PIP4K2A: variants seen among roughly 807,000 people sequenced by gnomAD.
PIP4K2A encodes phosphatidylinositol-5-phosphate 4-kinase type 2 alpha.
In PIP4K2A, 14 loss-of-function variants were observed where a neutral mutation model predicts 42.9. The ratio of observed to expected loss-of-function variants is 0.33; its 90% CI spans 0.22 to 0.51. The LOEUF (loss-of-function observed/expected upper bound fraction) is 0.51, where lower values mean the gene tolerates loss of function less well. PIP4K2A is among the 20% of genes least tolerant of loss of function. PIP4K2A has a pLI of 0.97. For synonymous variants in PIP4K2A, 192 were observed against 192.2 expected (o/e 1.00, Z 0.01); for missense variants, 434 against 519.8 (o/e 0.83, Z 1.61).
chr10:22,709,258 C>T (rs1833874284), intron 1 of PIP4K2A, among the ~76,000 whole-genome samples: 1 of 152,162 alleles, frequency 6.6e-6, no homozygotes, highest in African/African-American at 2.4e-5. Context: ...GTGCTAATTA[C>T]AGTGCTAGGC....
chr10:22,575,292 T>A (rs1455186346), intron 4 of PIP4K2A, among the ~76,000 whole-genome samples: 2 of 152,174 alleles, frequency 1.3e-5, no homozygotes, highest in Non-Finnish European at 2.9e-5. Flanking sequence ...TGGGGTCTGC[T>A]CCGAGGCAGT....
Position 22,627,588 on chromosome 10 carries a change from T to TAAAAAAAA in PIP4K2A, c.145-17872_145-17871insTTTTTTTT, listed in dbSNP as rs1564448260. Reference sequence around the variant, plus strand: ...ATTTGTTTAACCAAAAGCTAATATGTAATAAAAAAAAAAAAAAAAAAAAAA... The same window carrying TAAAAAAAA: ...ATTTGTTTAACCAAAAGCTAATATGTAAAAAAAAAATAAAAAAAAAAAAAAAAAAAAAA... On this transcript the variant is annotated intron_variant, in intron 1 of 9. Transcript: ENST00000376573. Among the ~76,000 whole-genome samples the TAAAAAAAA allele has an allele frequency of 6.7e-4, 26 of 38,922 alleles. 4 individuals are homozygous for TAAAAAAAA. The highest frequency in any genetic ancestry group is 2.1e-3 in the Admixed American group (5 of 2,334). 25.5% of individuals were successfully genotyped at this position (38,922 alleles called of 152,430 possible). A position where few individuals can be genotyped will look rare whatever the true frequency, so the allele number is the denominator to read the frequency against.
At chr10:22,556,050 G>A (rs1588623048) in intron 6 of PIP4K2A, among the ~76,000 whole-genome samples, 1 of 152,130 alleles carries the variant, frequency 6.6e-6, no homozygotes, top group Admixed American at 6.5e-5. Context: ...TTTGTTTTTA[G>A]GTTTTATCTG....
intron 3 of PIP4K2A, among the ~76,000 whole-genome samples, chr10:22,603,650 T>C: frequency 6.6e-6 from 1 of 152,188 alleles, no homozygotes; most frequent in South Asian, 2.1e-4. Context: ...CTAAAACGGC[T>C]AGCACAGAGC....
intron 1 of PIP4K2A, among the ~76,000 whole-genome samples, chr10:22,637,984 A>G (rs2130784978): frequency 6.6e-6 from 1 of 152,330 alleles, no homozygotes; most frequent in East Asian, 1.9e-4. Context: ...CTATCTCTGG[A>G]AAATCTGCTC....
intron 1 of PIP4K2A, among the ~76,000 whole-genome samples, chr10:22,699,814 C>T (rs1225502080): frequency 6.6e-6 from 1 of 152,128 alleles, no homozygotes; most frequent in Non-Finnish European, 1.5e-5. Context: ...TCTACATAGA[C>T]ACTAAAATCC....
intron 1 of PIP4K2A, 115 bp downstream of exon 1, chr10:22,714,068 G>T: frequency 9.1e-7 from 1 of 1,103,040 alleles, no homozygotes; most frequent in Non-Finnish European, 1.3e-6. Flanking sequence ...AGCAGCCGGA[G>T]GTCCAGGGCT....
chr10:22,654,275 T>C (rs1839050565), intron 1 of PIP4K2A, among the ~76,000 whole-genome samples: 1 of 152,228 alleles, frequency 6.6e-6, no homozygotes. Flanking sequence ...CAAGGTGAGC[T>C]GGACACTCAC....
intron 5 of PIP4K2A, among the ~76,000 whole-genome samples, chr10:22,572,711 T>C (rs1488041584): frequency 1.3e-5 from 2 of 152,184 alleles, no homozygotes; most frequent in African/African-American, 2.4e-5. Context: ...CCTGAATTGG[T>C]GATACCAGAA....
At position 22,535,688 on chromosome 10, in the gene PIP4K2A, A is replaced by C. The variant is rs542491719; in HGVS notation, c.*1513T>G. Reference sequence around the variant, plus strand: ...AGCGCAGCATGTAAGTGGATAACCTACTCTAAGCAAGACTAATATTTAAGC... The same window carrying C: ...AGCGCAGCATGTAAGTGGATAACCTCCTCTAAGCAAGACTAATATTTAAGC... On this transcript the variant is annotated 3_prime_UTR_variant, in exon 10 of 10. Coordinates refer to ENST00000376573, the MANE Select transcript of PIP4K2A (RefSeq NM_005028.5). 1.9e-5 allele frequency: 3 copies of C among 160,882 alleles called. No homozygotes were observed. In the East Asian group the frequency reaches 5.3e-4, roughly 29 times the overall value. The allele number at this position is 160,882 out of a possible 1,614,324, so 10.0% of individuals were successfully genotyped here.
At chr10:22,600,077 T>C (rs547141689) in intron 3 of PIP4K2A, among the ~76,000 whole-genome samples, 33 of 151,886 alleles carry the variant, frequency 2.2e-4, no homozygotes, top group African/African-American at 7.9e-4. Context: ...CGCCAATCTT[T>C]TCTCTCTCTC....
intron 7 of PIP4K2A, among the ~76,000 whole-genome samples, chr10:22,542,841 A>G (rs1401206456): frequency 6.6e-6 from 1 of 152,204 alleles, no homozygotes; most frequent in Non-Finnish European, 1.5e-5. Flanking sequence ...GAGTGCAAAC[A>G]GTGGCAGCCC....
intron 3 of PIP4K2A, among the ~76,000 whole-genome samples, chr10:22,605,601 T>C (rs1004927410): frequency 6.6e-6 from 1 of 152,214 alleles, no homozygotes; most frequent in African/African-American, 2.4e-5. Context: ...CAGAATTGAT[T>C]ATGACAAGAA....
chr10:22,689,711 G>A (rs1839824709), intron 1 of PIP4K2A, among the ~76,000 whole-genome samples: 2 of 152,172 alleles, frequency 1.3e-5, no homozygotes, highest in South Asian at 2.1e-4. Context: ...GACAGTAAAG[G>A]AATGGATGGC....
intron 1 of PIP4K2A, among the ~76,000 whole-genome samples, chr10:22,630,059 A>C (rs183407092): frequency 6.6e-6 from 1 of 152,244 alleles, no homozygotes; most frequent in Admixed American, 6.5e-5. Context: ...ACCCAAGGCC[A>C]GGCGCAGTAG....
At chr10:22,705,000 C>A (rs1004797472) in intron 1 of PIP4K2A, among the ~76,000 whole-genome samples, 2 of 152,040 alleles carry the variant, frequency 1.3e-5, no homozygotes, top group Non-Finnish European at 2.9e-5. Context: ...ACCCAGCTGT[C>A]CAAAATTTAG....
At chr10:22,540,487 A>G (rs1008010038) in intron 8 of PIP4K2A, among the ~76,000 whole-genome samples, 5 of 152,174 alleles carry the variant, frequency 3.3e-5, no homozygotes, top group African/African-American at 4.8e-5. Context: ...TTTACATCAA[A>G]TGGTAGAACT....
In PIP4K2A at chr10:22,591,754, G is replaced by A. The variant is rs372194086; in HGVS notation, c.367C>T (p.Pro123Ser). ...QNSLTRSAPL[P>S]NDSQARSGAR... Reference sequence around the variant, plus strand: ...CCACTGCGGGCCTGGGAGTCGTTGGGGAGGGGTGCGCTCCTGGTCAGGGAA... The same window carrying A: ...CCACTGCGGGCCTGGGAGTCGTTGGAGAGGGGTGCGCTCCTGGTCAGGGAA... Residue 123 changes from proline to serine, a missense_variant, in exon 4 of 10, where the codon CCC becomes TCC. Around this residue, in one of 2 missense-constraint regions of PIP4K2A, gnomAD observed 395 missense variants for 444.5 expected, o/e 0.89. Coordinates refer to ENST00000376573, the MANE Select transcript of PIP4K2A (RefSeq NM_005028.5). The A allele has an allele frequency of 3.7e-6, 6 of 1,612,854 alleles. No homozygotes were observed. Among genetic ancestry groups the A allele is most frequent in the African/African-American group, 1.3e-5 (1 of 74,896 alleles).
Position 22,558,101 on chromosome 10 carries a change from GC to G in PIP4K2A, c.679-7330del, listed in dbSNP as rs1836597224. ...ATTGTAAGCCTCAATGTCAAAGACT[GC>G]TGCCGGGTGTCCTTTTGATACGCTG... On this transcript the variant is annotated intron_variant, in intron 6 of 9. Coordinates refer to ENST00000376573, the MANE Select transcript of PIP4K2A (RefSeq NM_005028.5). 7.2e-5 allele frequency among the ~76,000 whole-genome samples: 11 copies of G among 152,278 alleles called. No homozygotes were observed. The South Asian group carries it at 2.3e-3, about 32-fold the overall frequency.
Sources: gnomAD v4.1 joint callset for allele counts (sites outside exome capture counted in the v4.1 genomes callset) on GRCh38, gnomAD v4.1.1 for gene constraint, gnomAD v4.1.1 regional missense constraint, MANE v1.5 for transcripts, NCBI Gene and HGNC (gene_info 2026-07-23, HGNC 2026-07-21) for gene names.